The following TENM2 variants were observed in gnomAD, a reference collection of about 807,000 sequenced individuals.
The protein encoded by TENM2 is teneurin transmembrane protein 2.
A neutral mutation model predicts 245.2 loss-of-function variants in TENM2; 52 were observed. The ratio of observed to expected loss-of-function variants is 0.21; its 90% CI spans 0.17 to 0.27. The LOEUF (loss-of-function observed/expected upper bound fraction) is 0.27. Ranked by LOEUF, TENM2 falls within the 10% of genes least tolerant of loss-of-function variation. The probability of loss-of-function intolerance (pLI) is 1.00; values close to 1 mark genes in which losing one functional copy is unlikely to be tolerated. For synonymous variants in TENM2, 1,363 were observed against 1,438.9 expected (o/e 0.95, Z 1.19); for missense variants, 3,046 against 3,666.8 (o/e 0.83, Z 4.37).
At chr5:167,781,920 A>C (rs1356907556) in intron 2 of TENM2, among the ~76,000 whole-genome samples, 1 of 152,066 alleles carries the variant, frequency 6.6e-6, no homozygotes, top group Non-Finnish European at 1.5e-5. Context: ...GAGGCAGGTG[A>C]ATCAATTGAG....
In TENM2 at chr5:167,952,922, C is replaced by A. The variant is rs912420575; in HGVS notation, c.947+100C>A. 34 of 953,322 alleles carry A rather than the reference C, an allele frequency of 3.6e-5. No homozygotes were observed. The African/African-American group carries it at 5.0e-4, about 14-fold the overall frequency. The allele number at this position is 953,322 out of a possible 1,614,324, so 59.1% of individuals were successfully genotyped here. A position where few individuals can be genotyped will look rare whatever the true frequency, so the allele number is the denominator to read the frequency against. On this transcript the variant is annotated intron_variant, in intron 4 of 28. Coordinates refer to ENST00000518659, the Ensembl canonical transcript of TENM2. ...TGTCTCAGAGTTCCAGTCGGAGAGA[C>A]CCTCTGGGTATAAATAATGAGACAA...
intron 5 of TENM2, among the ~76,000 whole-genome samples, chr5:168,007,777 G>A (rs1234233891): frequency 6.6e-6 from 1 of 152,180 alleles, no homozygotes; most frequent in Admixed American, 6.5e-5. Flanking sequence ...GGCTAGCTGG[G>A]TATTCAGGTA....
At chr5:167,444,890 T>C (rs565595827) in intron 2 of TENM2, among the ~76,000 whole-genome samples, 3 of 152,294 alleles carry the variant, frequency 2.0e-5, no homozygotes, top group African/African-American at 7.2e-5. Context: ...GTACAGACAC[T>C]TTATTATACA....
intron 2 of TENM2, among the ~76,000 whole-genome samples, chr5:167,482,518 T>C (rs545645058): frequency 2.6e-5 from 4 of 152,318 alleles, no homozygotes; most frequent in Admixed American, 2.6e-4. Context: ...TTCTTTTAAA[T>C]GGTAGATTAC....
chr5:168,044,368 T>C (rs1391988974), intron 5 of TENM2, among the ~76,000 whole-genome samples: 1 of 152,224 alleles, frequency 6.6e-6, no homozygotes, highest in East Asian at 1.9e-4. Context: ...TGAGCCTAGA[T>C]AGCGCCACTG....
At chr5:167,662,400 C>T (rs1178340754) in intron 2 of TENM2, among the ~76,000 whole-genome samples, 1 of 152,162 alleles carries the variant, frequency 6.6e-6, no homozygotes, top group Non-Finnish European at 1.5e-5. Flanking sequence ...GTTTTACTCT[C>T]AAAAGTGGCG....
intron 2 of TENM2, among the ~76,000 whole-genome samples, chr5:167,511,453 C>T (rs997502147): frequency 2.0e-5 from 3 of 152,172 alleles, no homozygotes; most frequent in Admixed American, 1.3e-4. Flanking sequence ...GCACTGATCA[C>T]CCTTAATGCT....
chr5:167,385,882 G>A (rs1761405170), intron 2 of TENM2, among the ~76,000 whole-genome samples: 1 of 151,300 alleles, frequency 6.6e-6, no homozygotes, highest in African/African-American at 2.4e-5. Context: ...GTGTGTGTGT[G>A]TGTGTGTGTG....
chr5:167,502,390 A>G (rs1269847778), intron 2 of TENM2, among the ~76,000 whole-genome samples: 1 of 152,212 alleles, frequency 6.6e-6, no homozygotes, highest in Non-Finnish European at 1.5e-5. Flanking sequence ...GAAATGTATT[A>G]TATATGCTCA....
chr5:167,149,280 G>C, the TENM2 span, among the ~76,000 whole-genome samples: 2 of 151,850 alleles, frequency 1.3e-5, no homozygotes, highest in South Asian at 4.2e-4. Context: ...TATGTATCCA[G>C]TGCCCAGGAT....
the TENM2 span, among the ~76,000 whole-genome samples, chr5:167,129,356 T>C: frequency 6.6e-6 from 1 of 152,146 alleles, no homozygotes; most frequent in African/African-American, 2.4e-5. Context: ...CCAGCTACTG[T>C]GGAGGCCATA....
intron 2 of TENM2, among the ~76,000 whole-genome samples, chr5:167,638,058 T>C (rs149789890): frequency 7.4e-4 from 112 of 150,968 alleles, no homozygotes; most frequent in African/African-American, 2.5e-3. Flanking sequence ...TATAAAGTTC[T>C]ATGGTTTGGA....
the TENM2 span, among the ~76,000 whole-genome samples, chr5:167,185,790 C>T: frequency 6.6e-5 from 10 of 152,020 alleles, no homozygotes; most frequent in Non-Finnish European, 1.5e-4. Flanking sequence ...CCTTTCACGG[C>T]CCTCAGAAAC....
chr5:167,677,710 A>G (rs1436283395), intron 2 of TENM2, among the ~76,000 whole-genome samples: 1 of 149,044 alleles, frequency 6.7e-6, no homozygotes, highest in Non-Finnish European at 1.5e-5. Flanking sequence ...AATGATATTT[A>G]TATATGATAA....
chr5:167,727,131 A>G (rs1010405026), intron 2 of TENM2, among the ~76,000 whole-genome samples: 10 of 81,512 alleles, frequency 1.2e-4, no homozygotes, highest in African/African-American at 3.0e-4. Context: ...TTTTTTTGAG[A>G]TGGAGTCTTG....
chr5:167,573,269 T>C (rs1774401941), intron 2 of TENM2, among the ~76,000 whole-genome samples: 2 of 152,148 alleles, frequency 1.3e-5, no homozygotes, highest in South Asian at 2.1e-4. Context: ...CATAAATGCA[T>C]CCTAAAAAAT....
chr5:168,110,039 C>CTTTTTTT (rs5873091), intron 9 of TENM2, among the ~76,000 whole-genome samples: 1 of 121,896 alleles, frequency 8.2e-6, no homozygotes, highest in South Asian at 2.7e-4. Context: ...AAGAACCCTT[C>CTTTTTTT]TTTTTTTTTT....
chr5:168,239,438 A>T (rs995640369), intron 25 of TENM2, among the ~76,000 whole-genome samples: 5 of 152,180 alleles, frequency 3.3e-5, no homozygotes, highest in African/African-American at 1.2e-4. Context: ...AATGGCTAGC[A>T]CCTATCATTA....
chr5:167,025,844 A>G, the TENM2 span, among the ~76,000 whole-genome samples: 909 of 152,252 alleles, frequency 6.0e-3, 4 homozygotes, highest in Non-Finnish European at 7.6e-3. Context: ...GGTGTATATA[A>G]TCCGCTTCTC....
Sources: allele counts gnomAD v4.1 joint callset (sites outside exome capture counted in the v4.1 genomes callset), GRCh38; gene constraint gnomAD v4.1.1; transcripts MANE v1.5; gene names NCBI Gene and HGNC (gene_info 2026-07-23, HGNC 2026-07-21).